SIK3: variants seen among roughly 807,000 people sequenced by gnomAD.
SIK3 encodes SIK family kinase 3, also known as serine/threonine-protein kinase SIK3.
A neutral mutation model predicts 144.2 loss-of-function variants in SIK3; 28 were observed. The ratio of observed to expected loss-of-function variants is 0.19; its 90% CI spans 0.14 to 0.27. SIK3 has a LOEUF of 0.27. Ranked by LOEUF, SIK3 falls within the 10% of genes least tolerant of loss-of-function variation. The probability of loss-of-function intolerance (pLI) is 1.00; values close to 1 mark genes in which losing one functional copy is unlikely to be tolerated. For missense variants in SIK3, 1,319 were observed against 1,776.0 expected, an observed-to-expected ratio of 0.74 and a Z score of 4.62; for synonymous variants, 686 against 676.3, an observed-to-expected ratio of 1.01 and a Z score of -0.22.
intron 1 of SIK3, among the ~76,000 whole-genome samples, chr11:116,958,660 A>G (rs749720845): frequency 6.6e-6 from 1 of 152,244 alleles, no homozygotes; most frequent in Non-Finnish European, 1.5e-5. Context: ...GACTTGACAA[A>G]GAAAGCAGAA....
chr11:116,882,316 A>G (rs1591458927), intron 6 of SIK3, among the ~76,000 whole-genome samples: 1 of 152,200 alleles, frequency 6.6e-6, no homozygotes, highest in South Asian at 2.1e-4. Flanking sequence ...ACTTATTTAT[A>G]TACTCTAGTT....
intron 3 of SIK3, among the ~76,000 whole-genome samples, chr11:116,928,620 A>C (rs908547588): frequency 6.6e-6 from 1 of 152,224 alleles, no homozygotes; most frequent in African/African-American, 2.4e-5. Context: ...AATAACTGCC[A>C]AGACTGAGCG....
At chr11:116,947,190 T>G (rs984118332) in intron 3 of SIK3, among the ~76,000 whole-genome samples, 1 of 124,790 alleles carries the variant, frequency 8.0e-6, no homozygotes, top group African/African-American at 3.1e-5. Context: ...ATATAATATA[T>G]TATATACAAA....
At position 116,875,274 on chromosome 11, in the gene SIK3, T is replaced by C. The variant is rs756611356; in HGVS notation, c.1318-7A>G. ...AATTCAGTGTCCCATCCGGCTGAGG[T>C]GGAGGGAAACACCATCGAGTTAGAA... is the stretch of plus-strand genomic sequence containing the variant. On this transcript the variant is annotated splice_region_variant and splice_polypyrimidine_tract_variant and intron_variant, in intron 10 of 24. Coordinates refer to ENST00000445177, the MANE Select transcript of SIK3 (RefSeq NM_001366686.3). 6.8e-6 allele frequency: 11 copies of C among 1,613,710 alleles called. No individual in the cohort carries two copies. In the Middle Eastern group the frequency reaches 8.2e-4, roughly 121 times the overall value.
chr11:116,972,069 A>G (rs1162081895), intron 1 of SIK3, among the ~76,000 whole-genome samples: 2 of 150,300 alleles, frequency 1.3e-5, no homozygotes, highest in Non-Finnish European at 2.9e-5. Flanking sequence ...CCTGGGCAAC[A>G]GAGCGAGACT....
intron 17 of SIK3, 88 bp from the exon 18 acceptor site, chr11:116,862,014 A>G: frequency 4.9e-6 from 6 of 1,228,806 alleles, no homozygotes; most frequent in Admixed American, 2.0e-5. Context: ...AACAGAAAGA[A>G]CTATCTGTGT....
intron 1 of SIK3, among the ~76,000 whole-genome samples, chr11:117,046,140 T>C (rs1952953500): frequency 6.6e-6 from 1 of 152,248 alleles, no homozygotes; most frequent in Non-Finnish European, 1.5e-5. Context: ...TTCTGCACAA[T>C]AGCCTATGTG....
chr11:116,964,515 C>T (rs1949453936), intron 1 of SIK3, among the ~76,000 whole-genome samples: 1 of 152,158 alleles, frequency 6.6e-6, no homozygotes. Context: ...AAGGACTCTA[C>T]ATGGCCAGCA....
At chr11:116,893,527 T>C (rs534257029) in intron 6 of SIK3, among the ~76,000 whole-genome samples, 30 of 151,754 alleles carry the variant, frequency 2.0e-4, no homozygotes, top group Middle Eastern at 3.4e-3. Context: ...AAAAAAAAAT[T>C]AGTCAGGCAT....
intron 1 of SIK3, among the ~76,000 whole-genome samples, chr11:117,010,878 G>C (rs1476690165): frequency 6.6e-6 from 1 of 152,186 alleles, no homozygotes; most frequent in Non-Finnish European, 1.5e-5. Context: ...CCAGCACTTT[G>C]GAAGGCCGAG....
chr11:116,969,761 C>T (rs1291746546), intron 1 of SIK3, among the ~76,000 whole-genome samples: 1 of 152,176 alleles, frequency 6.6e-6, no homozygotes, highest in South Asian at 2.1e-4. Context: ...ACACATAAGA[C>T]AGAAAAAAGA....
chr11:117,026,270 C>CAT (rs1321552946), intron 1 of SIK3, among the ~76,000 whole-genome samples: 1 of 152,130 alleles, frequency 6.6e-6, no homozygotes, highest in East Asian at 1.9e-4. Context: ...AGCAACAGAC[C>CAT]ATACCACATA....
rs977047578 is a variant in SIK3 at position 117,069,188 on chromosome 11, G to T, written c.273+28955C>A. ...GTAGTTGTTAAGATTTTTTTTTGGGGGGGGGGGGGTTTGTTGTTGTTATTT... is the reference window on the plus strand; with the variant it reads ...GTAGTTGTTAAGATTTTTTTTTGGGTGGGGGGGGGTTTGTTGTTGTTATTT... On this transcript the variant is annotated intron_variant, in intron 1 of 24. Coordinates refer to ENST00000445177, the MANE Select transcript of SIK3 (RefSeq NM_001366686.3). Among the ~76,000 whole-genome samples, 46 of 108,914 alleles carry T rather than the reference G, an allele frequency of 4.2e-4. No homozygotes were observed. The East Asian group carries it at 0.012, about 29-fold the overall frequency. 71.5% of individuals were successfully genotyped at this position (108,914 alleles called of 152,430 possible). A position where few individuals can be genotyped will look rare whatever the true frequency, so the allele number is the denominator to read the frequency against.
chr11:116,960,323 C>G (rs923329883), intron 1 of SIK3, among the ~76,000 whole-genome samples: 9 of 151,874 alleles, frequency 5.9e-5, no homozygotes, highest in Admixed American at 5.3e-4. Context: ...GCGAGGAGTT[C>G]AAGACCAGCC....
chr11:117,044,740 C>G (rs1464790951), intron 1 of SIK3, among the ~76,000 whole-genome samples: 2 of 152,080 alleles, frequency 1.3e-5, no homozygotes, highest in Non-Finnish European at 2.9e-5. Flanking sequence ...AAGAAATTAG[C>G]CAGAAGTGGT....
In SIK3 at chr11:116,948,057, CT is replaced by C. The variant is rs1948761020; in HGVS notation, c.454+5986del. Among the ~76,000 whole-genome samples the C allele has an allele frequency of 2.0e-5, 3 of 151,640 alleles. No individual in the cohort carries two copies. The South Asian group carries it at 6.3e-4, about 32-fold the overall frequency. On this transcript the variant is annotated intron_variant, in intron 3 of 24. Transcript: ENST00000445177. Reference sequence around the variant, plus strand: ...TCAGGTGATCCTCCCACTTCAGCCTCTCGAGTAGCTGGGACTACAGGTGTGC... The same window carrying C: ...TCAGGTGATCCTCCCACTTCAGCCTCCGAGTAGCTGGGACTACAGGTGTGC...
chr11:116,965,723 G>C (rs887709078), intron 1 of SIK3, among the ~76,000 whole-genome samples: 1 of 110,836 alleles, frequency 9.0e-6, no homozygotes. Flanking sequence ...GTGAAAACCC[G>C]TCTCTGCTAA....
intron 1 of SIK3, among the ~76,000 whole-genome samples, chr11:117,097,028 CAAAGA>C (rs1480571014): frequency 6.6e-6 from 1 of 152,110 alleles, no homozygotes; most frequent in East Asian, 1.9e-4. Context: ...AGATATTGAG[CAAAGA>C]AAATTTTAGA....
chr11:117,025,927 C>G (rs185438616), intron 1 of SIK3, among the ~76,000 whole-genome samples: 2 of 151,988 alleles, frequency 1.3e-5, no homozygotes, highest in African/African-American at 4.8e-5. Flanking sequence ...CAATACTAAG[C>G]CATTGTTATC....
Sources: allele counts gnomAD v4.1 joint callset (sites outside exome capture counted in the v4.1 genomes callset), GRCh38; gene constraint gnomAD v4.1.1; transcripts MANE v1.5; gene names NCBI Gene and HGNC (gene_info 2026-07-23, HGNC 2026-07-21).